Variants in NRBP2 observed in about 807,000 individuals in gnomAD.
The protein encoded by NRBP2 is nuclear receptor-binding protein 2.
Under a neutral mutation model 74.4 loss-of-function variants are expected in NRBP2, and 47 were observed. The ratio of observed to expected loss-of-function variants is 0.63; its 90% confidence interval spans 0.50 to 0.81. NRBP2 has a LOEUF of 0.81. NRBP2 is among the 30% of genes least tolerant of loss of function. NRBP2 has a pLI of 0.00. For synonymous variants in NRBP2, 312 were observed against 273.8 expected, an observed-to-expected ratio of 1.14 and a Z score of -1.38; for missense variants, 613 against 690.1, an observed-to-expected ratio of 0.89 and a Z score of 1.25.
Position 143,840,730 on chromosome 8 carries a change from A to G in NRBP2, c.105T>C (p.Gly35=). Residue 35 remains glycine (G), a synonymous_variant, in exon 1 of 18, where the codon GGT becomes GGC. Transcript: ENST00000442628. The surrounding 1 kb of genome is among the most constrained non-coding windows in gnomAD (Gnocchi z 5.7). ...ESDILEESPC[G]RWQKRREQVN... Reference sequence around the variant, plus strand: ...CCTGCTCCCGTCGCTTTTGCCAGCGACCACACGGGCTTTCCTCCAGGATGT... The same window carrying G: ...CCTGCTCCCGTCGCTTTTGCCAGCGGCCACACGGGCTTTCCTCCAGGATGT... The G allele has an allele frequency of 6.6e-7, 1 of 1,507,692 alleles. No individual in the cohort carries two copies. Among genetic ancestry groups the G allele is most frequent in the Non-Finnish European group, 8.8e-7 (1 of 1,133,564 alleles). The allele number at this position is 1,507,692 out of a possible 1,614,324, so 93.4% of individuals were successfully genotyped here.
At position 143,837,340 on chromosome 8, in the gene NRBP2, C is replaced by CGAGGGGAGGGGAGGTGCGGG; in HGVS notation, c.1076+47_1077-42dup. On this transcript the variant is annotated intron_variant, in intron 12 of 17. Transcript: ENST00000442628. The surrounding 1 kb of genome is among the most constrained non-coding windows in gnomAD (Gnocchi z 4.3). ...GAGGCACATGAGGGGCTGGCCGGGG[C>CGAGGGGAGGGGAGGTGCGGG]GAGGGGAGGGGAGGTGCGGGGAGGG... 1.5e-6 allele frequency: 1 copy of CGAGGGGAGGGGAGGTGCGGG among 674,640 alleles called. No homozygotes were observed. The highest frequency in any genetic ancestry group is 1.9e-6 in the Non-Finnish European group (1 of 532,434). The allele number at this position is 674,640 out of a possible 1,614,324, so 41.8% of individuals were successfully genotyped here.
Position 143,834,644 on chromosome 8 carries a change from G to A in NRBP2, c.*1018C>T, listed in dbSNP as rs1347467530. 4 of 152,356 alleles carry A rather than the reference G, an allele frequency of 2.6e-5. No individual in the cohort carries two copies. The highest frequency in any genetic ancestry group is 9.6e-5 in the African/African-American group (4 of 41,576). 9.4% of individuals were successfully genotyped at this position (152,356 alleles called of 1,614,324 possible). On this transcript the variant is annotated 3_prime_UTR_variant, in exon 18 of 18. Coordinates refer to ENST00000442628, the MANE Select transcript of NRBP2 (RefSeq NM_178564.4). Reference sequence around the variant, plus strand: ...AATGCGTTTAGAAAGGCATGAATGCGCTAATGTATACATACAGTTTAAAAT... The same window carrying A: ...AATGCGTTTAGAAAGGCATGAATGCACTAATGTATACATACAGTTTAAAAT...
In NRBP2 at chr8:143,837,408, G is replaced by A. The variant is rs781869268; in HGVS notation, c.1075C>T (p.Arg359Trp). 1.2e-4 allele frequency: 191 copies of A among 1,595,016 alleles called. No individual in the cohort carries two copies. Among genetic ancestry groups the A allele is most frequent in the Non-Finnish European group, 1.6e-4 (183 of 1,172,640 alleles). ...PRPRRPPLQWRYSEVSFMELD... is the reference protein window; with the variant it reads ...PRPRRPPLQWWYSEVSFMELD... ...GGCTTCTGGGTGCTGACTGCTCACC[G>A]CCACTGCAGCGGGGGCCTGCGGGGC... The change falls in exon 12 of 18, where the codon CGG becomes TGG. Residue 359 changes from arginine to tryptophan, a missense_variant and splice_region_variant. This residue lies in a region of NRBP2 where 281 missense variants were observed against 260.9 expected (regional missense o/e 1.08). Transcript: ENST00000442628. This position sits in a 1 kb window ranked among gnomAD's most constrained non-coding sequence, Gnocchi z 4.3.
chr8:143,840,909 C>T lies in NRBP2; in HGVS notation c.-75G>A, dbSNP rs1022406069. On this transcript the variant is annotated 5_prime_UTR_variant, in exon 1 of 18. Coordinates refer to ENST00000442628, the MANE Select transcript of NRBP2 (RefSeq NM_178564.4). This position sits in a 1 kb window ranked among gnomAD's most constrained non-coding sequence, Gnocchi z 5.7. ...AGCCTCTCCCGGCCCGCCCTGGCCT[C>T]GCGCCCAGCAGCCCAGCCTAGAGCC... 5.4e-5 allele frequency: 66 copies of T among 1,220,404 alleles called. No individual in the cohort carries two copies. The African/African-American group carries it at 1.0e-3, about 19-fold the overall frequency. The allele number at this position is 1,220,404 out of a possible 1,614,324, so 75.6% of individuals were successfully genotyped here.
At position 143,837,888 on chromosome 8, in the gene NRBP2, G is replaced by A. The variant is rs782020145; in HGVS notation, c.841-133C>T. On this transcript the variant is annotated intron_variant, in intron 10 of 17. Coordinates refer to ENST00000442628, the MANE Select transcript of NRBP2 (RefSeq NM_178564.4). This position sits in a 1 kb window ranked among gnomAD's most constrained non-coding sequence, Gnocchi z 4.3. ...CACAGGACATGCAGGGATGCCCATA[G>A]GGAGGAGTCCCAGCAGCAGCAGCCA... 14 of 1,134,422 alleles carry A rather than the reference G, an allele frequency of 1.2e-5. No homozygotes were observed. The highest frequency in any genetic ancestry group is 6.1e-5 in the African/African-American group (4 of 65,250). The allele number at this position is 1,134,422 out of a possible 1,614,324, so 70.3% of individuals were successfully genotyped here. A position where few individuals can be genotyped will look rare whatever the true frequency, so the allele number is the denominator to read the frequency against.
chr8:143,835,989 C>A lies in NRBP2; in HGVS notation c.1359G>T (p.Gln453His). Residue 453 changes from glutamine to histidine, a missense_variant, in exon 16 of 18, where the codon CAG becomes CAT. This residue lies in a region of NRBP2 where 281 missense variants were observed against 260.9 expected (regional missense o/e 1.08). Transcript: ENST00000442628. This position sits in a 1 kb window ranked among gnomAD's most constrained non-coding sequence, Gnocchi z 4.9. ...LLVLEDRLHR[Q>H]LTYDLLPTDS... Reference sequence around the variant, plus strand: ...TACTTGGGAGCAGGTCGTAGGTCAGCTGCCGGTGCAGCCGGTCTTCCAGCA... The same window carrying A: ...TACTTGGGAGCAGGTCGTAGGTCAGATGCCGGTGCAGCCGGTCTTCCAGCA... 6.3e-7 allele frequency: 1 copy of A among 1,581,922 alleles called. No individual in the cohort carries two copies. Among genetic ancestry groups the A allele is most frequent in the Non-Finnish European group, 8.6e-7 (1 of 1,164,502 alleles).
In NRBP2 at chr8:143,835,943, G is replaced by T. The variant is rs371958457; in HGVS notation, c.1381+24C>A. 25 of 1,591,670 alleles carry T rather than the reference G, an allele frequency of 1.6e-5. No homozygotes were observed. Among genetic ancestry groups the T allele is most frequent in the Non-Finnish European group, 2.1e-5 (25 of 1,173,418 alleles). On this transcript the variant is annotated intron_variant, in intron 16 of 17. Transcript: ENST00000442628. This position sits in a 1 kb window ranked among gnomAD's most constrained non-coding sequence, Gnocchi z 4.9. ...CCGCCGCCTGGGGTCACCGCCCGCC[G>T]CCCAAGTCCCCTGCCCAGCCTACTT...
At position 143,839,868 on chromosome 8, in the gene NRBP2, T is replaced by G; in HGVS notation, c.355-43A>C. 6.5e-7 allele frequency: 1 copy of G among 1,535,176 alleles called. No homozygotes were observed. On this transcript the variant is annotated intron_variant, in intron 3 of 17. Coordinates refer to ENST00000442628, the MANE Select transcript of NRBP2 (RefSeq NM_178564.4). This position sits in a 1 kb window ranked among gnomAD's most constrained non-coding sequence, Gnocchi z 5.1. ...AGGATTTCCACCAGCTGCGGGTTCG[T>G]CCCCATGCCCGCCCCACCTAGCTGT...
Position 143,840,769 on chromosome 8 carries a change from G to T in NRBP2, c.66C>A (p.Ser22Arg). 1 of 1,511,700 alleles carries T rather than the reference G, an allele frequency of 6.6e-7. No individual in the cohort carries two copies. Among genetic ancestry groups the T allele is most frequent in the Non-Finnish European group, 8.8e-7 (1 of 1,136,058 alleles). The allele number at this position is 1,511,700 out of a possible 1,614,324, so 93.6% of individuals were successfully genotyped here. ...CCTCCAGGATGTCGCTCTCGTCCTC[G>T]CTCTCGTCCTCCCGCTCCCGCTCCC... is the stretch of plus-strand genomic sequence containing the variant. ...REREREREDE[S>R]EDESDILEES... The change falls in exon 1 of 18, where the codon AGC becomes AGA. Residue 22 changes from serine to arginine, a missense_variant. By Grantham distance (110) the Ser-to-Arg change is moderately radical. Around this residue, in one of 2 missense-constraint regions of NRBP2, gnomAD observed 332 missense variants for 429.2 expected, o/e 0.77. Transcript: ENST00000442628. The surrounding 1 kb of genome is among the most constrained non-coding windows in gnomAD (Gnocchi z 5.7).
chr8:143,830,599 C>A (rs1586639796), downstream of NRBP2, among the ~76,000 whole-genome samples: 1 of 152,234 alleles, frequency 6.6e-6, no homozygotes. Flanking sequence ...ACTGGCAGGG[C>A]ACCTAGGGGT....
chr8:143,835,943 G>A lies in NRBP2; in HGVS notation c.1381+24C>T, dbSNP rs371958457. On this transcript the variant is annotated intron_variant, in intron 16 of 17. Transcript: ENST00000442628. This position sits in a 1 kb window ranked among gnomAD's most constrained non-coding sequence, Gnocchi z 4.9. ...CCGCCGCCTGGGGTCACCGCCCGCC[G>A]CCCAAGTCCCCTGCCCAGCCTACTT... 4.8e-4 allele frequency: 758 copies of A among 1,591,666 alleles called. 2 individuals carry two copies. Among genetic ancestry groups the A allele is most frequent in the Non-Finnish European group, 6.1e-4 (710 of 1,173,416 alleles).
intron 14 of NRBP2, among the ~76,000 whole-genome samples, chr8:143,836,704 G>T (rs13252889): frequency 2.2e-5 from 3 of 138,592 alleles, no homozygotes; most frequent in East Asian, 4.9e-4. Flanking sequence ...GGGGTGGGGG[G>T]GGTGGGAGGG....
intron 8 of NRBP2, 25 bp downstream of exon 8, chr8:143,838,992 G>A (rs781984283): frequency 4.5e-6 from 7 of 1,556,954 alleles, no homozygotes; most frequent in Non-Finnish European, 6.1e-6. Context: ...GTAGGCACGG[G>A]GCACCCGGAC....
rs782043361 is a variant in NRBP2, at chr8:143,837,597, A to AC, written c.973+25dup. The AC allele has an allele frequency of 1.6e-5, 26 of 1,593,626 alleles. No homozygotes were observed. Among genetic ancestry groups the AC allele is most frequent in the East Asian group, 4.5e-5 (2 of 44,152 alleles). ...CGTCCCAACCTCCACCTCCCCAGCC[A>AC]CCCCCCGGGCCGGCCTGCTGCTCAC... On this transcript the variant is annotated intron_variant, in intron 11 of 17. Coordinates refer to ENST00000442628, the MANE Select transcript of NRBP2 (RefSeq NM_178564.4). This position sits in a 1 kb window ranked among gnomAD's most constrained non-coding sequence, Gnocchi z 4.3.
At position 143,835,576 on chromosome 8, in the gene NRBP2, A is replaced by G; in HGVS notation, c.*86T>C. On this transcript the variant is annotated 3_prime_UTR_variant, in exon 18 of 18. Transcript: ENST00000442628. The surrounding 1 kb of genome is among the most constrained non-coding windows in gnomAD (Gnocchi z 4.9). Reference sequence around the variant, plus strand: ...CTTTGTGCTCCCAGGCGCATGGAGGAGGGCAGCCCCACGGTGCTGGAGTCT... The same window carrying G: ...CTTTGTGCTCCCAGGCGCATGGAGGGGGGCAGCCCCACGGTGCTGGAGTCT... 1 of 1,130,320 alleles carries G rather than the reference A, an allele frequency of 8.8e-7. No homozygotes were observed. Among genetic ancestry groups the G allele is most frequent in the South Asian group, 1.5e-5 (1 of 66,094 alleles). 70.0% of individuals were successfully genotyped at this position (1,130,320 alleles called of 1,614,324 possible).
Position 143,835,782 on chromosome 8 carries a change from G to A in NRBP2, c.1437+38C>T, listed in dbSNP as rs117961018. The A allele has an allele frequency of 0.084, 134,268 of 1,601,174 alleles. 6,293 individuals are homozygous for A. Among genetic ancestry groups the A allele is most frequent in the South Asian group, 0.12 (10,413 of 90,160 alleles). ...CGGAGGGGCGCGGCCTGCCCCGTGC[G>A]CCCCCTCCGCCAGGCCGCGCCGCAC... On this transcript the variant is annotated intron_variant, in intron 17 of 17. Coordinates refer to ENST00000442628, the MANE Select transcript of NRBP2 (RefSeq NM_178564.4). The surrounding 1 kb of genome is among the most constrained non-coding windows in gnomAD (Gnocchi z 4.9).
In NRBP2 at chr8:143,839,934, C is replaced by T; in HGVS notation, c.349G>A (p.Ala117Thr). The T allele has an allele frequency of 6.5e-7, 1 of 1,536,136 alleles. No individual in the cohort carries two copies. The highest frequency in any genetic ancestry group is 8.7e-7 in the Non-Finnish European group (1 of 1,146,864). Residue 117 changes from alanine to threonine, a missense_variant, in exon 3 of 18, where the codon GCG (alanine) becomes ACG (threonine). By Grantham distance (58) the Ala-to-Thr change is moderately conservative. This residue lies in a region of NRBP2 where 332 missense variants were observed against 429.2 expected (regional missense o/e 0.77). Coordinates refer to ENST00000442628, the MANE Select transcript of NRBP2 (RefSeq NM_178564.4). The surrounding 1 kb of genome is among the most constrained non-coding windows in gnomAD (Gnocchi z 5.1). ...KYWLDTSEACARVIFITEYVS... is the reference protein window; with the variant it reads ...KYWLDTSEACTRVIFITEYVS... ...GGGGCCTTGCCCGTGCTCACCCTCGCGCAGGCCTCAGAGGTATCCAGCCAG... is the reference window on the plus strand; with the variant it reads ...GGGGCCTTGCCCGTGCTCACCCTCGTGCAGGCCTCAGAGGTATCCAGCCAG...
At chr8:143,830,251 T>C (rs1554649768), downstream of NRBP2, among the ~76,000 whole-genome samples, 1 of 152,242 alleles carries the variant, frequency 6.6e-6, no homozygotes, top group Non-Finnish European at 1.5e-5. Flanking sequence ...ATTGCAGAGC[T>C]TAAGAAAGGT....
Position 143,839,487 on chromosome 8 carries a change from C to G in NRBP2, c.485+22G>C, listed in dbSNP as rs1231198035. The G allele has an allele frequency of 1.3e-6, 2 of 1,531,984 alleles. No individual in the cohort carries two copies. Among genetic ancestry groups the G allele is most frequent in the Non-Finnish European group, 1.7e-6 (2 of 1,145,276 alleles). The allele number at this position is 1,531,984 out of a possible 1,614,324, so 94.9% of individuals were successfully genotyped here. ...AGATGGGGGCTCGGTGGCGCCGCGC[C>G]CAGGCCAGCCCAGGCCCTCACCTGA... On this transcript the variant is annotated intron_variant, in intron 5 of 17. Coordinates refer to ENST00000442628, the MANE Select transcript of NRBP2 (RefSeq NM_178564.4). This position sits in a 1 kb window ranked among gnomAD's most constrained non-coding sequence, Gnocchi z 5.1.
Sources: allele counts gnomAD v4.1 joint callset (sites outside exome capture counted in the v4.1 genomes callset), GRCh38; gene constraint gnomAD v4.1.1; regional missense constraint gnomAD v4.1.1; non-coding constraint Gnocchi (gnomAD v3.1); transcripts MANE v1.5; gene names NCBI Gene and HGNC (gene_info 2026-07-23, HGNC 2026-07-21).